The following HAL variants were observed in gnomAD, a reference collection of about 807,000 sequenced individuals.
HAL encodes histidine ammonia-lyase, also known as histidase.
A neutral mutation model predicts 81.1 loss-of-function variants in HAL; 85 were observed. The ratio of observed to expected loss-of-function variants is 1.05; its 90% CI spans 0.88 to 1.25. The LOEUF (loss-of-function observed/expected upper bound fraction) is 1.25, where lower values mean the gene tolerates loss of function less well. HAL is among the 50% of genes most tolerant of loss of function. The pLI is 0.00. For synonymous variants in HAL, 301 were observed against 309.2 expected (o/e 0.97, Z 0.28); for missense variants, 798 against 836.6 (o/e 0.95, Z 0.57).
At chr12:95,978,290 C>A (rs1002343189) in intron 17 of HAL, among the ~76,000 whole-genome samples, 2 of 152,026 alleles carry the variant, frequency 1.3e-5, no homozygotes, top group African/African-American at 4.8e-5. Flanking sequence ...ATAGTGAGTT[C>A]TGAGGTAAGA....
Position 95,993,632 on chromosome 12 carries a change from A to G in HAL, c.551+140T>C, listed in dbSNP as rs757835987. On this transcript the variant is annotated intron_variant, in intron 7 of 20. Transcript: ENST00000261208. ...AGAAACCAGCCAGCCTGGGTTTTCA[A>G]TACCAACTCACATGCAAGGTAACCC... 6.0e-6 allele frequency: 5 copies of G among 830,182 alleles called. No homozygotes were observed. The East Asian group carries it at 7.5e-5, about 12-fold the overall frequency. 51.4% of individuals were successfully genotyped at this position (830,182 alleles called of 1,614,324 possible).
At chr12:95,995,488 T>C (rs1950022343) in intron 2 of HAL, among the ~76,000 whole-genome samples, 176 bp downstream of exon 2, 1 of 152,198 alleles carries the variant, frequency 6.6e-6, no homozygotes, top group Non-Finnish European at 1.5e-5. Context: ...CCTACCCATC[T>C]CACAGGGTTG....
In HAL at chr12:95,996,212, T is replaced by C. The variant is rs118085647; in HGVS notation, c.-216A>G. 15 of 404,792 alleles carry C rather than the reference T, an allele frequency of 3.7e-5. No homozygotes were observed. Among genetic ancestry groups the C allele is most frequent in the Non-Finnish European group, 7.0e-5 (15 of 214,610 alleles). The allele number at this position is 404,792 out of a possible 1,614,324, so 25.1% of individuals were successfully genotyped here. A position where few individuals can be genotyped will look rare whatever the true frequency, so the allele number is the denominator to read the frequency against. On this transcript the variant is annotated 5_prime_UTR_variant, in exon 1 of 21. Transcript: ENST00000261208. ...TCTCCCACCCTGGGAGGTGCTGTTCTTGTCCCTGATGGCACCTACCTGCTG... is the reference window on the plus strand; with the variant it reads ...TCTCCCACCCTGGGAGGTGCTGTTCCTGTCCCTGATGGCACCTACCTGCTG...
chr12:95,993,590 A>C (rs1297689102), intron 7 of HAL, 102 bp from the exon 8 acceptor site: 1 of 936,898 alleles, frequency 1.1e-6, no homozygotes, highest in East Asian at 2.4e-5. Context: ...TTGGAGGGAC[A>C]GAAGGAAGGC....
intron 10 of HAL, among the ~76,000 whole-genome samples, chr12:95,989,365 A>G (rs1949940661): frequency 6.6e-6 from 1 of 152,224 alleles, no homozygotes; most frequent in South Asian, 2.1e-4. Context: ...TATTTTATGT[A>G]GAGGCGGAGC....
intron 12 of HAL, among the ~76,000 whole-genome samples, chr12:95,986,860 G>A (rs560854439): frequency 6.6e-6 from 1 of 152,232 alleles, no homozygotes; most frequent in African/African-American, 2.4e-5. Context: ...CTTCCGGGCT[G>A]TGTGTATCTG....
intron 20 of HAL, among the ~76,000 whole-genome samples, 167 bp from the exon 21 acceptor site, chr12:95,974,539 A>T (rs2080693115): frequency 6.6e-6 from 1 of 152,222 alleles, no homozygotes; most frequent in Non-Finnish European, 1.5e-5. Context: ...TGTGTCAATT[A>T]GTCTTTGGTT....
rs770114936 is a variant in HAL, at chr12:95,993,316, A to C, written c.589+135T>G. On this transcript the variant is annotated intron_variant, in intron 8 of 20. Transcript: ENST00000261208. ...GCTGATTCTTTCTGCATCCCTTCTCACCTCGGCACCTAGTTCTTGAAATGC... is the reference window on the plus strand; with the variant it reads ...GCTGATTCTTTCTGCATCCCTTCTCCCCTCGGCACCTAGTTCTTGAAATGC... 3.7e-5 allele frequency: 28 copies of C among 746,674 alleles called. 1 individual carries two copies. Among genetic ancestry groups the C allele is most frequent in the Non-Finnish European group, 6.4e-5 (26 of 403,528 alleles). 46.3% of individuals were successfully genotyped at this position (746,674 alleles called of 1,614,324 possible).
Position 95,987,223 on chromosome 12 carries a change from G to A in HAL, c.904-9C>T. ...TTGATGAGTGCCAGGCCCTGTCGGG[G>A]GAGAGAGCAAAGTTTCCTACTGTGA... On this transcript the variant is annotated splice_polypyrimidine_tract_variant and intron_variant, in intron 11 of 20. Coordinates refer to ENST00000261208, the MANE Select transcript of HAL (RefSeq NM_002108.4). The A allele has an allele frequency of 1.2e-6, 2 of 1,612,622 alleles. No homozygotes were observed. Among genetic ancestry groups the A allele is most frequent in the Non-Finnish European group, 1.7e-6 (2 of 1,178,616 alleles).
chr12:95,978,544 A>G (rs957770883), intron 17 of HAL, among the ~76,000 whole-genome samples: 3 of 152,292 alleles, frequency 2.0e-5, no homozygotes, highest in African/African-American at 7.2e-5. Flanking sequence ...ATGGATGTAA[A>G]CAGGGGCTCG....
chr12:95,973,967 A>C lies in HAL; in HGVS notation c.*265T>G. 1 of 508,932 alleles carries C rather than the reference A, an allele frequency of 2.0e-6. No homozygotes were observed. 31.5% of individuals were successfully genotyped at this position (508,932 alleles called of 1,614,324 possible). A position where few individuals can be genotyped will look rare whatever the true frequency, so the allele number is the denominator to read the frequency against. On this transcript the variant is annotated 3_prime_UTR_variant, in exon 21 of 21. Transcript: ENST00000261208. ...GTTATTCTTCTCACCCTTAAGAGTG[A>C]GTGGCCTGTTGAAACTGTTAAGAAA...
chr12:95,986,041 T>A (rs1363613621), intron 13 of HAL, 24 bp downstream of exon 13: 10 of 1,572,050 alleles, frequency 6.4e-6, no homozygotes. Flanking sequence ...ACCAAATAGG[T>A]CACTCCCATA....
chr12:95,992,359 C>T (rs920573874), intron 9 of HAL, among the ~76,000 whole-genome samples: 25 of 152,324 alleles, frequency 1.6e-4, no homozygotes, highest in African/African-American at 5.8e-4. Context: ...TAACCATATT[C>T]ATGTACCACT....
chr12:95,993,074 A>G (rs1949991853), intron 8 of HAL, among the ~76,000 whole-genome samples: 1 of 152,160 alleles, frequency 6.6e-6, no homozygotes, highest in African/African-American at 2.4e-5. Flanking sequence ...ACTCACCTTT[A>G]GAATAGCATC....
intron 15 of HAL, among the ~76,000 whole-genome samples, chr12:95,981,902 C>T (rs1028414698): frequency 6.6e-6 from 1 of 152,242 alleles, no homozygotes; most frequent in African/African-American, 2.4e-5. Context: ...TAACTGAGAA[C>T]TTGCTGTGTG....
rs1432928628 is a variant in HAL, at chr12:95,990,512, G to T, written c.736C>A (p.Pro246Thr). 1.2e-6 allele frequency: 2 copies of T among 1,613,528 alleles called. No homozygotes were observed. The highest frequency in any genetic ancestry group is 1.7e-6 in the Non-Finnish European group (2 of 1,179,452). ...CTGGCACCAACGGTTCCTTTCTCTG[G>T]GACATAGGGCAGGCAGGAGGCTGGG... The part of the protein sequence containing the change: ...MFNASCLPYV[P>T]EKGTVGASGD... The change falls in exon 10 of 21, where the codon CCA becomes ACA. Residue 246 changes from proline to threonine, a missense_variant. Coordinates refer to ENST00000261208, the MANE Select transcript of HAL (RefSeq NM_002108.4).
Position 95,995,742 on chromosome 12 carries a change from G to C in HAL, c.169C>G (p.Arg57Gly), listed in dbSNP as rs756666507. Residue 57 changes from arginine (R) to glycine (G), a missense_variant, in exon 2 of 21, where the codon CGG becomes GGG. Coordinates refer to ENST00000261208, the MANE Select transcript of HAL (RefSeq NM_002108.4). ...SVDDAHFLVRRCKGLGLLDNE... is the reference protein window; with the variant it reads ...SVDDAHFLVRGCKGLGLLDNE... ...TCCAGCAGGCCCAGGCCCTTGCACC[G>C]GCGCACAAGGAAGTGCGCGTCATCC... The C allele has an allele frequency of 5.6e-6, 9 of 1,613,504 alleles. No homozygotes were observed. The highest frequency in any genetic ancestry group is 1.6e-4 in the Middle Eastern group (1 of 6,084).
At chr12:95,990,629 G>A in intron 9 of HAL, 97 bp from the exon 10 acceptor site, 1 of 938,758 alleles carries the variant, frequency 1.1e-6, no homozygotes, top group Non-Finnish European at 1.8e-6. Flanking sequence ...CAAACACCCT[G>A]CCTCCAATAT....
rs376855010 is a variant in HAL at position 95,976,695 on chromosome 12, C to G, written c.1666G>C (p.Glu556Gln). Reference protein sequence around the residue: ...IEHVEQVLAIELLAACQGIEF... With the variant: ...IEHVEQVLAIQLLAACQGIEF... ...ATGCCCTGGCAGGCTGCAAGGAGCT[C>G]GATGGCCAGCACTGAAACAAGAAAT... is the stretch of plus-strand genomic sequence containing the variant. The change falls in exon 19 of 21, where the codon GAG (glutamate) becomes CAG (glutamine). Residue 556 changes from glutamate (E) to glutamine (Q), a missense_variant. Transcript: ENST00000261208. 1.9e-6 allele frequency: 3 copies of G among 1,604,616 alleles called. No homozygotes were observed. Among genetic ancestry groups the G allele is most frequent in the Admixed American group, 1.7e-5 (1 of 60,012 alleles).
Sources: allele counts gnomAD v4.1 joint callset (sites outside exome capture counted in the v4.1 genomes callset), GRCh38; gene constraint gnomAD v4.1.1; transcripts MANE v1.5; gene names NCBI Gene and HGNC (gene_info 2026-07-23, HGNC 2026-07-21).